Variants in GAB4 observed in about 807,000 individuals in gnomAD.
GAB4 encodes GRB2-associated-binding protein 4.
A neutral mutation model predicts 51.3 loss-of-function variants in GAB4; 26 were observed. The ratio of observed to expected loss-of-function variants is 0.51; its 90% confidence interval spans 0.37 to 0.70. The LOEUF is 0.70. Ranked by LOEUF, GAB4 falls within the 30% of genes least tolerant of loss-of-function variation. The pLI, the probability that GAB4 is intolerant of heterozygous loss-of-function variation, is 0.00. For missense variants in GAB4, 759 were observed against 734.6 expected (o/e 1.03, Z -0.38); for synonymous variants, 329 against 291.2 (o/e 1.13, Z -1.32).
intron 1 of GAB4, among the ~76,000 whole-genome samples, chr22:17,007,346 T>A (rs956037234): frequency 2.0e-5 from 3 of 151,856 alleles, no homozygotes; most frequent in Non-Finnish European, 4.4e-5. Context: ...TACACTGCAG[T>A]GCACACTGTC....
chr22:17,005,828 T>C (rs1306399790), intron 1 of GAB4, among the ~76,000 whole-genome samples: 3 of 152,158 alleles, frequency 2.0e-5, no homozygotes, highest in Non-Finnish European at 4.4e-5. Flanking sequence ...CCCTTCCTTA[T>C]ATCTTATACA....
chr22:16,976,682 C>T (rs9618951), intron 3 of GAB4, among the ~76,000 whole-genome samples: 2,796 of 152,204 alleles, frequency 0.018, 79 homozygotes, highest in African/African-American at 0.063. Flanking sequence ...CACCAAGATA[C>T]TCCTTGAGAA....
In GAB4 at chr22:16,970,094, C is replaced by T. The variant is rs550014208; in HGVS notation, c.786G>A (p.Gly262=). 2 of 1,614,136 alleles carry T rather than the reference C, an allele frequency of 1.2e-6. No homozygotes were observed. Among genetic ancestry groups the T allele is most frequent in the South Asian group, 2.2e-5 (2 of 91,076 alleles). The change falls in exon 4 of 10, where the codon GGG becomes GGA. Residue 262 remains glycine, a synonymous_variant. Transcript: ENST00000400588. ...GGAAGCCATGGATGTGACCGCTGAC[C>T]CCATCAACACTGTATCCACTGTGCT... ...LAQHSGYSVD[G]VSGHIHGFHS... is the part of the protein sequence containing the mutation.
intron 1 of GAB4, among the ~76,000 whole-genome samples, chr22:16,995,054 T>C (rs527859155): frequency 6.6e-6 from 1 of 152,318 alleles, no homozygotes; most frequent in South Asian, 2.1e-4. Flanking sequence ...TTTTTAAACG[T>C]TAAGCCAACT....
At chr22:16,984,426 G>A (rs1237114765) in intron 3 of GAB4, among the ~76,000 whole-genome samples, 1 of 152,228 alleles carries the variant, frequency 6.6e-6, no homozygotes, top group Non-Finnish European at 1.5e-5. Flanking sequence ...ACTACCATAT[G>A]ATCCAGCAAT....
At chr22:16,988,517 T>C (rs2060888025) in intron 2 of GAB4, among the ~76,000 whole-genome samples, 1 of 152,176 alleles carries the variant, frequency 6.6e-6, no homozygotes, top group South Asian at 2.1e-4. Context: ...CCATGGTGGC[T>C]CCTCTGTCAT....
At chr22:16,963,929 CTACTCTGAGCCA>C in intron 8 of GAB4, 100 bp from the exon 9 acceptor site, 1 of 835,608 alleles carries the variant, frequency 1.2e-6, no homozygotes, top group Admixed American at 2.0e-5. Context: ...CCACTGGGTC[CTACTCTGAGCCA>C]TGCACTGGGG....
intron 4 of GAB4, chr22:16,969,523 T>G: frequency 2.1e-6 from 1 of 479,394 alleles, no homozygotes; most frequent in Non-Finnish European, 3.6e-6. Context: ...AAGTCTCCCT[T>G]GGCCATGGGA....
intron 1 of GAB4, among the ~76,000 whole-genome samples, chr22:17,006,448 C>A (rs12168942): frequency 6.6e-6 from 1 of 152,100 alleles, no homozygotes; most frequent in Non-Finnish European, 1.5e-5. Flanking sequence ...GACAGTGTGG[C>A]GACTCCTCAA....
chr22:16,989,389 C>T (rs888547921), intron 2 of GAB4, among the ~76,000 whole-genome samples: 2 of 152,234 alleles, frequency 1.3e-5, no homozygotes, highest in African/African-American at 4.8e-5. Flanking sequence ...CACCTCATGG[C>T]CTGAGGCAGG....
intron 2 of GAB4, among the ~76,000 whole-genome samples, chr22:16,989,711 C>T (rs1007010858): frequency 3.3e-5 from 5 of 152,204 alleles, no homozygotes; most frequent in Admixed American, 3.3e-4. Context: ...CAGCTGCTGC[C>T]CAGGGAGGGT....
At chr22:16,992,490 T>C (rs1601282074) in intron 1 of GAB4, among the ~76,000 whole-genome samples, 1 of 152,320 alleles carries the variant, frequency 6.6e-6, no homozygotes, top group African/African-American at 2.4e-5. Context: ...ATAGCACTTT[T>C]AGACAGAGTA....
At chr22:16,997,838 G>A (rs143370945) in intron 1 of GAB4, among the ~76,000 whole-genome samples, 12,981 of 152,174 alleles carry the variant, frequency 0.085, 713 homozygotes, top group Admixed American at 0.15. Context: ...TACAAGGAAG[G>A]GATCCAGTTT....
intron 1 of GAB4, among the ~76,000 whole-genome samples, chr22:17,006,656 C>T (rs2061041986): frequency 6.6e-6 from 1 of 152,178 alleles, no homozygotes; most frequent in Admixed American, 6.5e-5. Flanking sequence ...CACATATACA[C>T]TATGGAATAT....
intron 2 of GAB4, among the ~76,000 whole-genome samples, chr22:16,991,656 C>G (rs1319406148): frequency 1.3e-5 from 2 of 152,146 alleles, no homozygotes; most frequent in African/African-American, 4.8e-5. Flanking sequence ...TGAGAGGTGA[C>G]AGGGCAAAGT....
intron 1 of GAB4, among the ~76,000 whole-genome samples, chr22:16,993,587 C>A (rs1601282886): frequency 6.6e-6 from 1 of 152,186 alleles, no homozygotes; most frequent in Non-Finnish European, 1.5e-5. Context: ...AAAACCACAG[C>A]CCCTGGCTAA....
chr22:16,992,280 A>G (rs1413211821), intron 1 of GAB4, 104 bp from the exon 2 acceptor site: 15 of 984,642 alleles, frequency 1.5e-5, no homozygotes, highest in Non-Finnish European at 2.3e-5. Context: ...ACCTGCACTC[A>G]GCCTATGTCT....
rs747769991 is a variant in GAB4 at position 16,970,179 on chromosome 22, G to A, written c.701C>T (p.Ser234Phe). The change falls in exon 4 of 10, where the codon TCC becomes TTC. Residue 234 changes from serine (S) to phenylalanine (F), a missense_variant. Transcript: ENST00000400588. ...RAEHARSASF[S>F]QGSEAPFIMR... is the part of the protein sequence containing the mutation. ...GATGAATGGGGCCTCAGAACCCTGG[G>A]AGAAGCTGGCACTCCTAAGAGAGAG... is the stretch of plus-strand genomic sequence containing the variant. 5.6e-6 allele frequency: 9 copies of A among 1,614,136 alleles called. No individual in the cohort carries two copies. Among genetic ancestry groups the A allele is most frequent in the East Asian group, 4.5e-5 (2 of 44,870 alleles).
rs760951016 is a variant in GAB4 at position 17,007,998 on chromosome 22, G to T, written c.117C>A (p.His39Gln). ...GPAGGSTRSGHVLYSGWLRKS... is the reference protein window; with the variant it reads ...GPAGGSTRSGQVLYSGWLRKS... ...TCCTCAGCCAGCCGCTGTACAGCACGTGGCCACTTCTCGTGCTTCCGCCGG... is the reference window on the plus strand; with the variant it reads ...TCCTCAGCCAGCCGCTGTACAGCACTTGGCCACTTCTCGTGCTTCCGCCGG... Residue 39 changes from histidine (H) to glutamine (Q), a missense_variant, in exon 1 of 10, where the codon CAC becomes CAA. Physicochemically the swap from His to Gln is conservative, Grantham distance 24 (BLOSUM62 0). Around this residue, in one of 3 missense-constraint regions of GAB4, gnomAD observed 83 missense variants for 73.1 expected, o/e 1.14. Transcript: ENST00000400588. 2 of 1,612,768 alleles carry T rather than the reference G, an allele frequency of 1.2e-6. No individual in the cohort carries two copies. Among genetic ancestry groups the T allele is most frequent in the Non-Finnish European group, 8.5e-7 (1 of 1,179,626 alleles).
Sources: gnomAD v4.1 joint callset for allele counts (sites outside exome capture counted in the v4.1 genomes callset) on GRCh38, gnomAD v4.1.1 for gene constraint, gnomAD v4.1.1 regional missense constraint, MANE v1.5 for transcripts, NCBI Gene and HGNC (gene_info 2026-07-23, HGNC 2026-07-21) for gene names.